Variants in CD79A observed in about 807,000 individuals in gnomAD.
CD79A encodes CD79a molecule.
In CD79A, 16 loss-of-function variants were observed where a neutral mutation model predicts 27.4. The observed-to-expected ratio is 0.58, with a 90% CI of 0.40 to 0.89. The LOEUF is 0.89. Among genes scored for constraint, CD79A ranks in the 40% least tolerant of loss-of-function variants. The pLI is 0.00. For synonymous variants in CD79A, 110 were observed against 132.7 expected, an observed-to-expected ratio of 0.83 and a Z score of 1.18; for missense variants, 237 against 299.7, an observed-to-expected ratio of 0.79 and a Z score of 1.55.
chr19:41,878,958 GTCCC>G lies in CD79A; in HGVS notation c.80-30_80-27del. The G allele has an allele frequency of 2.2e-6, 3 of 1,387,386 alleles. No individual in the cohort carries two copies. Among genetic ancestry groups the G allele is most frequent in the Non-Finnish European group, 2.0e-6 (2 of 986,776 alleles). The allele number at this position is 1,387,386 out of a possible 1,614,324, so 85.9% of individuals were successfully genotyped here. A position where few individuals can be genotyped will look rare whatever the true frequency, so the allele number is the denominator to read the frequency against. On this transcript the variant is annotated intron_variant, in intron 1 of 4. Coordinates refer to ENST00000221972, the MANE Select transcript of CD79A (RefSeq NM_001783.4). The surrounding 1 kb of genome is among the most constrained non-coding windows in gnomAD (Gnocchi z 4.3). ...CTGGGGAAATGTGTCACCATCCCCA[GTCCC>G]TGACCCACCCACCCTGTCTCTCCAC...
intron 3 of CD79A, 25 bp from the exon 4 acceptor site, chr19:41,880,645 G>GCGGGGGCCC: frequency 8.8e-7 from 1 of 1,134,300 alleles, no homozygotes; most frequent in Non-Finnish European, 1.3e-6. Context: ...GCTCACTGAG[G>GCGGGGGCCC]CACCCACCCC....
intron 3 of CD79A, among the ~76,000 whole-genome samples, chr19:41,880,351 A>G (rs1490617782): frequency 3.3e-5 from 5 of 149,824 alleles, no homozygotes; most frequent in Non-Finnish European, 7.4e-5. Context: ...ACAGCACTTC[A>G]GCCTGGGCAA....
At chr19:41,880,645 G>GCGGGGGGGGCC in intron 3 of CD79A, 25 bp from the exon 4 acceptor site, 2 of 1,134,300 alleles carry the variant, frequency 1.8e-6, no homozygotes, top group Non-Finnish European at 2.6e-6. Context: ...GCTCACTGAG[G>GCGGGGGGGGCC]CACCCACCCC....
Position 41,879,369 on chromosome 19 carries a change from A to G in CD79A, c.379+80A>G, listed in dbSNP as rs782687348. The G allele has an allele frequency of 3.1e-5, 44 of 1,407,212 alleles. No individual in the cohort carries two copies. The South Asian group carries it at 4.4e-4, about 14-fold the overall frequency. The allele number at this position is 1,407,212 out of a possible 1,614,324, so 87.2% of individuals were successfully genotyped here. A position where few individuals can be genotyped will look rare whatever the true frequency, so the allele number is the denominator to read the frequency against. On this transcript the variant is annotated intron_variant, in intron 2 of 4. Coordinates refer to ENST00000221972, the MANE Select transcript of CD79A (RefSeq NM_001783.4). The surrounding 1 kb of genome is among the most constrained non-coding windows in gnomAD (Gnocchi z 5.1). ...TTATCTTTGAAGTGGGGATAGAGCC[A>G]GTACCTTCAATGTGGGTTTCAAACC...
At position 41,881,189 on chromosome 19, in the gene CD79A, C is replaced by T; in HGVS notation, c.*209C>T. On this transcript the variant is annotated 3_prime_UTR_variant, in exon 5 of 5. Transcript: ENST00000221972. Reference sequence around the variant, plus strand: ...GTGTCCCACTCTTCTTCCCTCTAAACTGCCCCACCTCCTAACCTAATCCCC... The same window carrying T: ...GTGTCCCACTCTTCTTCCCTCTAAATTGCCCCACCTCCTAACCTAATCCCC... The T allele has an allele frequency of 1.6e-6, 1 of 621,504 alleles. No individual in the cohort carries two copies. Among genetic ancestry groups the T allele is most frequent in the Non-Finnish European group, 2.9e-6 (1 of 343,198 alleles). 38.5% of individuals were successfully genotyped at this position (621,504 alleles called of 1,614,324 possible).
intron 3 of CD79A, 25 bp from the exon 4 acceptor site, chr19:41,880,645 G>GCC: frequency 1.8e-6 from 2 of 1,134,288 alleles, no homozygotes; most frequent in East Asian, 2.6e-5. Context: ...GCTCACTGAG[G>GCC]CACCCACCCC....
rs1481108392 is a variant in CD79A, at chr19:41,879,910, C to T, written c.498+257C>T. On this transcript the variant is annotated intron_variant, in intron 3 of 4. Coordinates refer to ENST00000221972, the MANE Select transcript of CD79A (RefSeq NM_001783.4). The surrounding 1 kb of genome is among the most constrained non-coding windows in gnomAD (Gnocchi z 5.1). ...ACGTCCACCTCCCCCCAAGAAGAGT[C>T]TCATTCTTCTCCCTAAGAGTGTCCT... 3.9e-5 allele frequency among the ~76,000 whole-genome samples: 6 copies of T among 152,268 alleles called. No individual in the cohort carries two copies. Among genetic ancestry groups the T allele is most frequent in the Admixed American group, 3.9e-4 (6 of 15,306 alleles).
Position 41,880,913 on chromosome 19 carries a change from G to A in CD79A, c.614G>A (p.Gly205Asp). ...TCCATGTATGAGGACATCTCCCGGG[G>A]CCTCCAGGGCACCTACCAGGATGTG... is the stretch of plus-strand genomic sequence containing the variant. ...DCSMYEDISR[G>D]LQGTYQDVGS... Residue 205 changes from glycine to aspartate, a missense_variant, in exon 5 of 5, where the codon GGC becomes GAC. Transcript: ENST00000221972. 3 of 1,605,380 alleles carry A rather than the reference G, an allele frequency of 1.9e-6. No individual in the cohort carries two copies. The highest frequency in any genetic ancestry group is 1.1e-5 in the South Asian group (1 of 88,982).
In CD79A at chr19:41,879,419, C is replaced by G; in HGVS notation, c.380-116C>G. 1 of 1,211,292 alleles carries G rather than the reference C, an allele frequency of 8.3e-7. No individual in the cohort carries two copies. Among genetic ancestry groups the G allele is most frequent in the Non-Finnish European group, 1.2e-6 (1 of 848,460 alleles). 75.0% of individuals were successfully genotyped at this position (1,211,292 alleles called of 1,614,324 possible). ...CGGCTTGGACAGAGGGACGGACATTCTCCTCTGCAGAGTGGGGTCTCTGGG... is the reference window on the plus strand; with the variant it reads ...CGGCTTGGACAGAGGGACGGACATTGTCCTCTGCAGAGTGGGGTCTCTGGG... On this transcript the variant is annotated intron_variant, in intron 2 of 4. Coordinates refer to ENST00000221972, the MANE Select transcript of CD79A (RefSeq NM_001783.4). This position sits in a 1 kb window ranked among gnomAD's most constrained non-coding sequence, Gnocchi z 5.1.
At position 41,880,674 on chromosome 19, in the gene CD79A, G is replaced by T; in HGVS notation, c.503G>T (p.Arg168Leu). Reference sequence around the variant, plus strand: ...CCACCCCACCCACCCCTACAGAAACGATGGCAGAACGAGAAGCTCGGGTTG... The same window carrying T: ...CCACCCCACCCACCCCTACAGAAACTATGGCAGAACGAGAAGCTCGGGTTG... ...VPGTLLLFRK[R>L]WQNEKLGLDA... Residue 168 changes from arginine to leucine, a missense_variant, in exon 4 of 5, where the codon CGA (arginine) becomes CTA (leucine). Physicochemically the swap from Arg to Leu is moderately radical, Grantham distance 102 (BLOSUM62 -2). Transcript: ENST00000221972. 1 of 650,392 alleles carries T rather than the reference G, an allele frequency of 1.5e-6. No individual in the cohort carries two copies. The allele number at this position is 650,392 out of a possible 1,614,324, so 40.3% of individuals were successfully genotyped here. A position where few individuals can be genotyped will look rare whatever the true frequency, so the allele number is the denominator to read the frequency against.
At position 41,879,100 on chromosome 19, in the gene CD79A, G is replaced by A. The variant is rs374041941; in HGVS notation, c.190G>A (p.Val64Ile). 31 of 1,613,940 alleles carry A rather than the reference G, an allele frequency of 1.9e-5. No homozygotes were observed. Among genetic ancestry groups the A allele is most frequent in the East Asian group, 8.9e-5 (4 of 44,896 alleles). The change falls in exon 2 of 5, where the codon GTC (valine) becomes ATC (isoleucine). Residue 64 changes from valine to isoleucine, a missense_variant. By Grantham distance (29) the Val-to-Ile change is conservative. Transcript: ENST00000221972. This position sits in a 1 kb window ranked among gnomAD's most constrained non-coding sequence, Gnocchi z 5.1. ...CPHNSSNNAN[V>I]TWWRVLHGNY... ...GCACAATAGCAGCAACAACGCCAAC[G>A]TCACCTGGTGGCGCGTCCTCCATGG...
chr19:41,880,485 G>T (rs1458279288), intron 3 of CD79A, among the ~76,000 whole-genome samples, 185 bp from the exon 4 acceptor site: 2 of 149,256 alleles, frequency 1.3e-5, no homozygotes, highest in Non-Finnish European at 3.0e-5. Context: ...AGGAAGGAAG[G>T]AAGGAAGGAA....
In CD79A at chr19:41,879,471, C is replaced by T. The variant is rs536517584; in HGVS notation, c.380-64C>T. 8.8e-5 allele frequency: 115 copies of T among 1,307,910 alleles called. No homozygotes were observed. In the African/African-American group the frequency reaches 1.5e-3, roughly 17 times the overall value. 81.0% of individuals were successfully genotyped at this position (1,307,910 alleles called of 1,614,324 possible). A position where few individuals can be genotyped will look rare whatever the true frequency, so the allele number is the denominator to read the frequency against. ...GGTCTGGGGCCTTGCAGGAGGTGGG[C>T]GGGGCCAGGAGGCTAGGGAGGGCAA... On this transcript the variant is annotated intron_variant, in intron 2 of 4. Coordinates refer to ENST00000221972, the MANE Select transcript of CD79A (RefSeq NM_001783.4). The surrounding 1 kb of genome is among the most constrained non-coding windows in gnomAD (Gnocchi z 5.1).
In CD79A at chr19:41,877,424, A is replaced by G; in HGVS notation, c.79+41A>G. On this transcript the variant is annotated intron_variant, in intron 1 of 4. Coordinates refer to ENST00000221972, the MANE Select transcript of CD79A (RefSeq NM_001783.4). This position sits in a 1 kb window ranked among gnomAD's most constrained non-coding sequence, Gnocchi z 4.1. ...GCAGGAACTGGCGGGAGGTGGGGGAAGCTGTGGAGGCTGCAGAGAGGGCAC... is the reference window on the plus strand; with the variant it reads ...GCAGGAACTGGCGGGAGGTGGGGGAGGCTGTGGAGGCTGCAGAGAGGGCAC... 6.5e-7 allele frequency: 1 copy of G among 1,540,464 alleles called. No homozygotes were observed. Among genetic ancestry groups the G allele is most frequent in the Non-Finnish European group, 9.0e-7 (1 of 1,112,782 alleles).
In CD79A at chr19:41,880,451, GGGAAGGAAGGAAGGAA is replaced by G. The variant is rs782467863; in HGVS notation, c.499-179_499-164del. Among the ~76,000 whole-genome samples the G allele has an allele frequency of 1.3e-3, 131 of 102,578 alleles. 1 individual carries two copies. Among genetic ancestry groups the G allele is most frequent in the African/African-American group, 4.0e-3 (108 of 27,264 alleles). The allele number at this position is 102,578 out of a possible 152,430, so 67.3% of individuals were successfully genotyped here. The stretch of plus-strand genomic sequence containing the variant: ...AGAGGGAGGGAGGGAAGGAAGGGAA[GGGAAGGAAGGAAGGAA>G]GGAAGGAAGGAAGGAAGGAAGGAAG... On this transcript the variant is annotated intron_variant, in intron 3 of 4. Transcript: ENST00000221972.
At chr19:41,880,647 AC>A in intron 3 of CD79A, 22 bp from the exon 4 acceptor site, 1 of 535,722 alleles carries the variant, frequency 1.9e-6, no homozygotes, top group Non-Finnish European at 3.6e-6. Flanking sequence ...TCACTGAGGC[AC>A]CCACCCCACC....
At position 41,881,097 on chromosome 19, in the gene CD79A, C is replaced by T; in HGVS notation, c.*117C>T. On this transcript the variant is annotated 3_prime_UTR_variant, in exon 5 of 5. Transcript: ENST00000221972. ...TCTGGGGGCTTCCTTAGTCATATTC[C>T]CCCAGTGGGGGGTGGGAGGGTAACC... 1 of 747,424 alleles carries T rather than the reference C, an allele frequency of 1.3e-6. No homozygotes were observed. The highest frequency in any genetic ancestry group is 2.3e-6 in the Non-Finnish European group (1 of 428,834). 46.3% of individuals were successfully genotyped at this position (747,424 alleles called of 1,614,324 possible). A position where few individuals can be genotyped will look rare whatever the true frequency, so the allele number is the denominator to read the frequency against.
At position 41,879,062 on chromosome 19, in the gene CD79A, A is replaced by C. The variant is rs781936282; in HGVS notation, c.152A>C (p.His51Pro). ...SLMVSLGEDA[H>P]FQCPHNSSNN... ...ATGGTGAGCCTGGGGGAAGACGCCC[A>C]CTTCCAATGCCCGCACAATAGCAGC... The change falls in exon 2 of 5, where the codon CAC becomes CCC. Residue 51 changes from histidine (H) to proline (P), a missense_variant. Physicochemically the swap from His to Pro is moderately conservative, Grantham distance 77. Transcript: ENST00000221972. The surrounding 1 kb of genome is among the most constrained non-coding windows in gnomAD (Gnocchi z 5.1). The C allele has an allele frequency of 6.6e-7, 1 of 1,522,474 alleles. No individual in the cohort carries two copies. 94.3% of individuals were successfully genotyped at this position (1,522,474 alleles called of 1,614,324 possible).
At chr19:41,880,600 A>G in intron 3 of CD79A, 70 bp from the exon 4 acceptor site, 3 of 1,178,078 alleles carry the variant, frequency 2.5e-6, no homozygotes, top group Non-Finnish European at 3.7e-6. Context: ...ACTTCCTGGC[A>G]TCCAGGAGGG....
Sources: allele counts gnomAD v4.1 joint callset (sites outside exome capture counted in the v4.1 genomes callset), GRCh38; gene constraint gnomAD v4.1.1; non-coding constraint Gnocchi (gnomAD v3.1); transcripts MANE v1.5; gene names NCBI Gene and HGNC (gene_info 2026-07-23, HGNC 2026-07-21).